The following ST6GALNAC3 variants were observed in gnomAD, a reference collection of about 807,000 sequenced individuals.
ST6GALNAC3 encodes the protein ST6 N-acetylgalactosaminide alpha-2,6-sialyltransferase 3.
In ST6GALNAC3, 25 loss-of-function variants were observed where a neutral mutation model predicts 32.7. That is an observed-to-expected ratio of 0.76 (90% CI 0.56 to 1.07). ST6GALNAC3 has a LOEUF of 1.07. Among genes scored for constraint, ST6GALNAC3 ranks in the 50% least tolerant of loss-of-function variants. The pLI is 0.00. For missense variants in ST6GALNAC3, 355 were observed against 382.4 expected (o/e 0.93, Z 0.60); for synonymous variants, 129 against 133.1 (o/e 0.97, Z 0.21).
intron 3 of ST6GALNAC3, among the ~76,000 whole-genome samples, chr1:76,433,693 G>C (rs758928045): frequency 6.6e-5 from 10 of 152,132 alleles, no homozygotes; most frequent in Non-Finnish European, 1.3e-4. Context: ...TGATCCAATG[G>C]TTAGCTGGAA....
At chr1:76,268,123 C>T (rs1658639545) in intron 1 of ST6GALNAC3, among the ~76,000 whole-genome samples, 1 of 152,140 alleles carries the variant, frequency 6.6e-6, no homozygotes. Flanking sequence ...CTCTTTGTTC[C>T]TCATTTTGAT....
chr1:76,551,559 T>G (rs1408053202), intron 3 of ST6GALNAC3, among the ~76,000 whole-genome samples: 1 of 152,214 alleles, frequency 6.6e-6, no homozygotes, highest in Non-Finnish European at 1.5e-5. Flanking sequence ...ACATAATATT[T>G]GCACATATTT....
intron 1 of ST6GALNAC3, among the ~76,000 whole-genome samples, chr1:76,112,368 G>T (rs1165584405): frequency 6.8e-6 from 1 of 146,042 alleles, no homozygotes; most frequent in Non-Finnish European, 1.5e-5. Flanking sequence ...GCCGGGCGGG[G>T]GGCTGACCCC....
At chr1:76,386,272 T>C (rs1385884879) in intron 2 of ST6GALNAC3, among the ~76,000 whole-genome samples, 5 of 152,154 alleles carry the variant, frequency 3.3e-5, no homozygotes, top group Admixed American at 6.6e-5. Flanking sequence ...TCACTAGATA[T>C]GTAAATTTTC....
chr1:76,348,630 A>G (rs1025041233), intron 2 of ST6GALNAC3, among the ~76,000 whole-genome samples: 2 of 152,142 alleles, frequency 1.3e-5, no homozygotes, highest in Non-Finnish European at 2.9e-5. Context: ...GCTGATGCCA[A>G]TTTTATGCAA....
At chr1:76,341,960 T>G (rs1648075123) in intron 2 of ST6GALNAC3, among the ~76,000 whole-genome samples, 1 of 152,010 alleles carries the variant, frequency 6.6e-6, no homozygotes, top group Non-Finnish European at 1.5e-5. Context: ...ACATGTGGTG[T>G]TTGGTTTTCC....
At chr1:76,293,480 T>C (rs542610453) in intron 1 of ST6GALNAC3, among the ~76,000 whole-genome samples, 2 of 152,308 alleles carry the variant, frequency 1.3e-5, no homozygotes, top group South Asian at 4.1e-4. Flanking sequence ...ATTGATACTA[T>C]ACATGAGGAA....
Position 76,344,434 on chromosome 1 carries a change from C to T in ST6GALNAC3, c.213+30435C>T, listed in dbSNP as rs571890222. On this transcript the variant is annotated intron_variant, in intron 2 of 4. Transcript: ENST00000328299. ...TTTTCCCTGCATTATTTTTTTCTCCCCAGGTATTATAAATATATGACATAC... is the reference window on the plus strand; with the variant it reads ...TTTTCCCTGCATTATTTTTTTCTCCTCAGGTATTATAAATATATGACATAC... Among the ~76,000 whole-genome samples the T allele has an allele frequency of 8.4e-4, 128 of 152,226 alleles. 1 individual carries two copies. Among genetic ancestry groups the T allele is most frequent in the African/African-American group, 3.0e-3 (125 of 41,544 alleles).
chr1:76,633,785 A>C lies in ST6GALNAC3; in HGVS notation c.*4979A>C, dbSNP rs2100747412. On this transcript the variant is annotated 3_prime_UTR_variant, in exon 5 of 5. Coordinates refer to ENST00000328299, the MANE Select transcript of ST6GALNAC3 (RefSeq NM_152996.4). ...ACATGTCCCGCAAGACTTAGTCTGC[A>C]TAAAAGATTTAAAAGGATTTTTTTT... 1 of 150,950 alleles carries C rather than the reference A, an allele frequency of 6.6e-6. No individual in the cohort carries two copies. The highest frequency in any genetic ancestry group is 1.9e-4 in the East Asian group (1 of 5,184). 9.4% of individuals were successfully genotyped at this position (150,950 alleles called of 1,614,324 possible). A position where few individuals can be genotyped will look rare whatever the true frequency, so the allele number is the denominator to read the frequency against.
At chr1:76,236,111 AT>A (rs1231093318) in intron 1 of ST6GALNAC3, among the ~76,000 whole-genome samples, 4 of 151,744 alleles carry the variant, frequency 2.6e-5, no homozygotes, top group Non-Finnish European at 4.4e-5. Flanking sequence ...TGCCTGGCTA[AT>A]TTTTTGCGTA....
rs888558447 is a variant in ST6GALNAC3, at chr1:76,630,918, T to G, written c.*2112T>G. On this transcript the variant is annotated 3_prime_UTR_variant, in exon 5 of 5. Transcript: ENST00000328299. ...ACTGTTTTTCCCCCTGTTGTTTCAC[T>G]TTAAAATAAAAAGAAATCCTTGATT... The G allele has an allele frequency of 6.1e-6, 6 of 985,498 alleles. No homozygotes were observed. The highest frequency in any genetic ancestry group is 1.7e-5 in the African/African-American group (1 of 57,192). The allele number at this position is 985,498 out of a possible 1,614,324, so 61.0% of individuals were successfully genotyped here.
intron 2 of ST6GALNAC3, among the ~76,000 whole-genome samples, chr1:76,366,221 T>C (rs1162274148): frequency 6.6e-6 from 1 of 152,176 alleles, no homozygotes; most frequent in Admixed American, 6.5e-5. Context: ...AATGTACCCT[T>C]GTTTTGCTTT....
intron 1 of ST6GALNAC3, among the ~76,000 whole-genome samples, chr1:76,258,528 T>C (rs1295741804): frequency 1.3e-5 from 2 of 152,180 alleles, no homozygotes; most frequent in African/African-American, 4.8e-5. Flanking sequence ...TTATTGCTAC[T>C]CGAAGGCTCC....
chr1:76,601,225 A>AAGG lies in ST6GALNAC3; in HGVS notation c.624-26226_624-26225insGGA, dbSNP rs1553147188. On this transcript the variant is annotated intron_variant, in intron 3 of 4. Transcript: ENST00000328299. ...ACAAAGAAGGAAGGAAGGAAGGAAGAAAGGAAGGAAAGTATTCTATTTCAG... is the reference window on the plus strand; with the variant it reads ...ACAAAGAAGGAAGGAAGGAAGGAAGAAGGAAGGAAGGAAAGTATTCTATTTCAG... Among the ~76,000 whole-genome samples, 400 of 152,144 alleles carry AAGG rather than the reference A, an allele frequency of 2.6e-3. 2 individuals are homozygous for AAGG. The highest frequency in any genetic ancestry group is 9.1e-3 in the African/African-American group (378 of 41,532).
Position 76,629,900 on chromosome 1 carries a change from C to G in ST6GALNAC3, c.*1094C>G. On this transcript the variant is annotated 3_prime_UTR_variant, in exon 5 of 5. Coordinates refer to ENST00000328299, the MANE Select transcript of ST6GALNAC3 (RefSeq NM_152996.4). The stretch of plus-strand genomic sequence containing the variant: ...TGTTACACATGGAGAGGAAATGATT[C>G]CTTATATTAAACCTGACCAGAGCTT... 1.0e-6 allele frequency: 1 copy of G among 985,016 alleles called. No individual in the cohort carries two copies. The highest frequency in any genetic ancestry group is 1.2e-6 in the Non-Finnish European group (1 of 829,736). 61.0% of individuals were successfully genotyped at this position (985,016 alleles called of 1,614,324 possible). A position where few individuals can be genotyped will look rare whatever the true frequency, so the allele number is the denominator to read the frequency against.
intron 3 of ST6GALNAC3, among the ~76,000 whole-genome samples, chr1:76,425,621 C>T (rs1655326089): frequency 2.0e-5 from 3 of 151,952 alleles, no homozygotes; most frequent in African/African-American, 7.2e-5. Context: ...AAGTTCTTTG[C>T]ATCTGGTCTC....
At chr1:76,364,854 A>G (rs1225418423) in intron 2 of ST6GALNAC3, among the ~76,000 whole-genome samples, 2 of 152,212 alleles carry the variant, frequency 1.3e-5, no homozygotes, top group Admixed American at 6.5e-5. Flanking sequence ...GTAGATAAAA[A>G]GATATGCTTA....
intron 1 of ST6GALNAC3, among the ~76,000 whole-genome samples, chr1:76,088,998 G>T (rs1285583082): frequency 6.6e-6 from 1 of 152,094 alleles, no homozygotes; most frequent in African/African-American, 2.4e-5. Context: ...AAGGAGTGTA[G>T]ATTTGATCCT....
At chr1:76,154,238 C>T (rs1022966861) in intron 1 of ST6GALNAC3, among the ~76,000 whole-genome samples, 3 of 152,118 alleles carry the variant, frequency 2.0e-5, no homozygotes, top group African/African-American at 4.8e-5. Context: ...AGGCTGACCC[C>T]GTAGCCGGTG....
Sources: allele counts gnomAD v4.1 joint callset (sites outside exome capture counted in the v4.1 genomes callset), GRCh38; gene constraint gnomAD v4.1.1; transcripts MANE v1.5; gene names NCBI Gene and HGNC (gene_info 2026-07-23, HGNC 2026-07-21).